TLK1: variants seen among roughly 807,000 people sequenced by gnomAD.
TLK1 encodes the protein tousled like kinase 1, also known as serine/threonine-protein kinase tousled-like 1.
Under a neutral mutation model 105.3 loss-of-function variants are expected in TLK1, and 24 were observed. That is an observed-to-expected ratio of 0.23 (90% CI 0.17 to 0.32). The LOEUF (loss-of-function observed/expected upper bound fraction) is 0.32, where lower values mean the gene tolerates loss of function less well. Ranked by LOEUF, TLK1 falls within the 10% of genes least tolerant of loss-of-function variation. The pLI is 1.00. For synonymous variants in TLK1, 321 were observed against 310.4 expected, an observed-to-expected ratio of 1.03 and a Z score of -0.36; for missense variants, 558 against 910.5, an observed-to-expected ratio of 0.61 and a Z score of 4.98.
chr2:171,006,913 T>G (rs747709432), intron 15 of TLK1, 24 bp from the exon 16 acceptor site: 1 of 1,605,804 alleles, frequency 6.2e-7, no homozygotes, highest in East Asian at 2.2e-5. Context: ...GTGTATTAAT[T>G]CTCCATGATC....
At chr2:171,121,739 A>G (rs1319911345) in intron 1 of TLK1, among the ~76,000 whole-genome samples, 2 of 152,192 alleles carry the variant, frequency 1.3e-5, no homozygotes, top group Non-Finnish European at 2.9e-5. Context: ...ATGGAAGATG[A>G]GGGCATGGGG....
At chr2:171,072,899 A>G (rs993117182) in intron 3 of TLK1, among the ~76,000 whole-genome samples, 3 of 149,168 alleles carry the variant, frequency 2.0e-5, no homozygotes, top group African/African-American at 7.4e-5. Context: ...AGTGCACTCC[A>G]GCCTGGGCAA....
intron 11 of TLK1, among the ~76,000 whole-genome samples, chr2:171,037,484 C>A (rs1686420043): frequency 6.6e-6 from 1 of 150,392 alleles, no homozygotes; most frequent in Non-Finnish European, 1.5e-5. Flanking sequence ...AAGAGTACAG[C>A]ATGGAGATAC....
chr2:171,214,586 G>C (rs1693679145), intron 1 of TLK1, among the ~76,000 whole-genome samples: 1 of 152,128 alleles, frequency 6.6e-6, no homozygotes, highest in Admixed American at 6.6e-5. Flanking sequence ...TGGTTGCCAG[G>C]CCCCACCCTA....
At chr2:171,112,324 T>C (rs1558948364) in intron 2 of TLK1, among the ~76,000 whole-genome samples, 1 of 152,230 alleles carries the variant, frequency 6.6e-6, no homozygotes, top group Non-Finnish European at 1.5e-5. Context: ...TTCAACATTT[T>C]AAGAATCTAT....
intron 1 of TLK1, among the ~76,000 whole-genome samples, chr2:171,132,212 T>C (rs1219873815): frequency 1.3e-5 from 2 of 151,932 alleles, no homozygotes; most frequent in African/African-American, 4.8e-5. Flanking sequence ...GAAGAATGAG[T>C]GCAAGCAGGA....
intron 1 of TLK1, among the ~76,000 whole-genome samples, chr2:171,133,556 A>G (rs1691188400): frequency 6.6e-6 from 1 of 152,172 alleles, no homozygotes; most frequent in Non-Finnish European, 1.5e-5. Flanking sequence ...CTGAAACTCT[A>G]CCAAGGCACT....
intron 1 of TLK1, among the ~76,000 whole-genome samples, chr2:171,145,589 CAA>C (rs71401407): frequency 1.7e-5 from 2 of 116,130 alleles, no homozygotes. Flanking sequence ...GACTCTGTCT[CAA>C]AAAAAAAAAA....
In TLK1 at chr2:171,054,996, A is replaced by G. The variant is rs1687426642; in HGVS notation, c.639+87T>C. On this transcript the variant is annotated intron_variant, in intron 7 of 20. Coordinates refer to ENST00000431350, the MANE Select transcript of TLK1 (RefSeq NM_012290.5). ...GTGTAATTCTGCTTTATGACTACAT[A>G]TAAAACAAACAGACATCTTAGTTGT... 4 of 711,004 alleles carry G rather than the reference A, an allele frequency of 5.6e-6. No individual in the cohort carries two copies. The Admixed American group carries it at 1.1e-4, about 20-fold the overall frequency. 44.0% of individuals were successfully genotyped at this position (711,004 alleles called of 1,614,324 possible).
chr2:171,019,885 C>T (rs1685405657), intron 12 of TLK1, among the ~76,000 whole-genome samples: 1 of 151,934 alleles, frequency 6.6e-6, no homozygotes, highest in Admixed American at 6.6e-5. Flanking sequence ...TGGCAAAATC[C>T]TTTATCTACT....
chr2:171,201,898 CATCTATCT>C (rs3081728), intron 1 of TLK1, among the ~76,000 whole-genome samples: 3,745 of 148,262 alleles, frequency 0.025, 85 homozygotes, highest in African/African-American at 0.048. Context: ...TATCAGCTAT[CATCTATCT>C]ATCTATCTAT....
At chr2:171,003,376 T>A (rs1684492628) in intron 18 of TLK1, among the ~76,000 whole-genome samples, 1 of 150,958 alleles carries the variant, frequency 6.6e-6, no homozygotes, top group Non-Finnish European at 1.5e-5. Flanking sequence ...TTAGCAATGA[T>A]CTTTTTGTTG....
chr2:171,115,586 G>A (rs1690387762), intron 2 of TLK1, among the ~76,000 whole-genome samples: 1 of 152,130 alleles, frequency 6.6e-6, no homozygotes, highest in Non-Finnish European at 1.5e-5. Context: ...ATGGCCAAGA[G>A]AAGAAAATGA....
intron 1 of TLK1, among the ~76,000 whole-genome samples, chr2:171,219,326 C>T (rs985407949): frequency 1.3e-5 from 2 of 152,196 alleles, no homozygotes; most frequent in Admixed American, 1.3e-4. Context: ...CTAATCTCTG[C>T]CTCTGTGGTC....
At chr2:171,025,496 C>T (rs538288549) in intron 12 of TLK1, among the ~76,000 whole-genome samples, 1 of 152,114 alleles carries the variant, frequency 6.6e-6, no homozygotes, top group Non-Finnish European at 1.5e-5. Context: ...CAAGAGTATG[C>T]CAGGCTCCAA....
intron 3 of TLK1, chr2:171,081,669 C>T (rs764846586): frequency 6.9e-6 from 9 of 1,304,110 alleles, no homozygotes; most frequent in African/African-American, 1.5e-5. Flanking sequence ...GATAAAGTCC[C>T]GTCACTTGCA....
At chr2:171,003,945 T>C (rs1243072520) in intron 18 of TLK1, among the ~76,000 whole-genome samples, 1 of 152,164 alleles carries the variant, frequency 6.6e-6, no homozygotes, top group Admixed American at 6.5e-5. Context: ...CATACCTTTT[T>C]CTTAATTTTT....
At chr2:171,226,766 T>C (rs989655701) in intron 1 of TLK1, among the ~76,000 whole-genome samples, 3 of 152,156 alleles carry the variant, frequency 2.0e-5, no homozygotes, top group Non-Finnish European at 4.4e-5. Context: ...TTTCCTTTGT[T>C]ATAATAGGAT....
intron 20 of TLK1, among the ~76,000 whole-genome samples, chr2:170,995,353 T>G (rs758236943): frequency 9.2e-5 from 14 of 152,024 alleles, no homozygotes; most frequent in East Asian, 1.9e-4. Flanking sequence ...ATATTAAAAT[T>G]TATATCATAT....
Sources: gnomAD v4.1 joint callset for allele counts (sites outside exome capture counted in the v4.1 genomes callset) on GRCh38, gnomAD v4.1.1 for gene constraint, MANE v1.5 for transcripts, NCBI Gene and HGNC (gene_info 2026-07-23, HGNC 2026-07-21) for gene names.